IQSEC1: variants seen among roughly 807,000 people sequenced by gnomAD.
The protein encoded by IQSEC1 is IQ motif and Sec7 domain ArfGEF 1.
In IQSEC1, 31 loss-of-function variants were observed where a neutral mutation model predicts 91.0. The ratio of observed to expected loss-of-function variants is 0.34; its 90% CI spans 0.26 to 0.46. The LOEUF is 0.46. Among genes scored for constraint, IQSEC1 ranks in the 20% least tolerant of loss-of-function variants. The pLI is 1.00. For missense variants in IQSEC1, 1,388 were observed against 1,575.6 expected (o/e 0.88, Z 2.02); for synonymous variants, 699 against 662.6 (o/e 1.05, Z -0.84).
At chr3:13,068,800 C>T (rs1705320965) in intron 1 of IQSEC1, among the ~76,000 whole-genome samples, 1 of 152,222 alleles carries the variant, frequency 6.6e-6, no homozygotes, top group South Asian at 2.1e-4. Context: ...TCAAAGGTCA[C>T]CTCCTCCAGG....
At chr3:13,075,995 A>C (rs1705556112), upstream of IQSEC1, among the ~76,000 whole-genome samples, 1 of 152,216 alleles carries the variant, frequency 6.6e-6, no homozygotes, top group Admixed American at 6.5e-5. Context: ...CAGATTTGTC[A>C]GCCACACCTC....
At chr3:13,056,485 G>A (rs945344037) in intron 1 of IQSEC1, among the ~76,000 whole-genome samples, 9 of 152,052 alleles carry the variant, frequency 5.9e-5, no homozygotes, top group Admixed American at 4.6e-4. Flanking sequence ...TCCTCAAGCC[G>A]GCCTGGGAAG....
chr3:13,140,676 C>T (rs79477804), intron 2 of IQSEC1, among the ~76,000 whole-genome samples: 1,697 of 152,282 alleles, frequency 0.011, 36 homozygotes, highest in African/African-American at 0.039. Context: ...AGAGACCATG[C>T]GCGCCCCAGC....
chr3:13,159,466 C>T (rs1178301095), intron 2 of IQSEC1, among the ~76,000 whole-genome samples: 2 of 152,176 alleles, frequency 1.3e-5, no homozygotes, highest in African/African-American at 4.8e-5. Flanking sequence ...CCCAGACCTA[C>T]TGAGTGAGGC....
At chr3:13,162,592 A>C (rs1219073721) in intron 2 of IQSEC1, among the ~76,000 whole-genome samples, 1 of 152,186 alleles carries the variant, frequency 6.6e-6, no homozygotes, top group African/African-American at 2.4e-5. Flanking sequence ...CCATTTTAAG[A>C]GACAACTGTT....
chr3:13,005,666 G>C (rs1702605814), intron 1 of IQSEC1, among the ~76,000 whole-genome samples: 1 of 152,232 alleles, frequency 6.6e-6, no homozygotes, highest in Non-Finnish European at 1.5e-5. Flanking sequence ...TTTTCATTTT[G>C]TGAATTTTAA....
chr3:13,203,164 T>TACACACACACACACAC (rs10533324), intron 1 of IQSEC1, among the ~76,000 whole-genome samples: 14 of 148,120 alleles, frequency 9.5e-5, no homozygotes, highest in Admixed American at 6.7e-4. Context: ...TTACCACTAC[T>TACACACACACACACAC]ACACACACAC....
chr3:13,202,243 G>A (rs935086505), intron 1 of IQSEC1, among the ~76,000 whole-genome samples: 2 of 152,216 alleles, frequency 1.3e-5, no homozygotes, highest in African/African-American at 4.8e-5. Context: ...AACCAGTATG[G>A]TGGTTCCTCA....
At chr3:12,914,357 G>A (rs184453730) in intron 8 of IQSEC1, among the ~76,000 whole-genome samples, 3 of 152,344 alleles carry the variant, frequency 2.0e-5, no homozygotes, top group Admixed American at 2.0e-4. Context: ...TCAAAGGGGT[G>A]GGATCCCCGG....
rs1050492975 is a variant in IQSEC1 at position 13,282,475 on chromosome 3, G to A, written c.272+236C>T. On this transcript the variant is annotated intron_variant, in intron 1 of 15. Transcript: ENST00000648114. The surrounding 1 kb of genome is among the most constrained non-coding windows in gnomAD (Gnocchi z 6.4). ...CGGCGGGAGCGCTGAGCAGCTCCCT[G>A]GAGCCCTTTTCCAGGGAACCCAGTC... 1.3e-5 allele frequency among the ~76,000 whole-genome samples: 2 copies of A among 151,982 alleles called. No individual in the cohort carries two copies. The highest frequency in any genetic ancestry group is 2.9e-5 in the Non-Finnish European group (2 of 67,940).
chr3:13,261,757 A>G (rs1423895921), intron 1 of IQSEC1, among the ~76,000 whole-genome samples: 3 of 152,176 alleles, frequency 2.0e-5, no homozygotes, highest in African/African-American at 7.2e-5. Context: ...CATACCCGTG[A>G]AATTCACCCA....
chr3:12,915,723 A>C lies in IQSEC1; in HGVS notation c.2031T>G (p.Asp677Glu). 2 of 1,614,096 alleles carry C rather than the reference A, an allele frequency of 1.2e-6. No individual in the cohort carries two copies. The highest frequency in any genetic ancestry group is 1.7e-6 in the Non-Finnish European group (2 of 1,179,976). Residue 677 changes from aspartate (D) to glutamate (E), a missense_variant, in exon 7 of 14, where the codon GAT becomes GAG. Physicochemically the swap from Asp to Glu is conservative, Grantham distance 45. Coordinates refer to ENST00000613206, the MANE Select transcript of IQSEC1 (RefSeq NM_001134382.3). The part of the protein sequence containing the change: ...DFIKNLRGVD[D>E]GEDIPREMLM... ...GCATCTCACGGGGAATGTCCTCACC[A>C]TCGTCCACACCTGGGTAGGGGATGC... is the stretch of plus-strand genomic sequence containing the variant.
intron 2 of IQSEC1, among the ~76,000 whole-genome samples, chr3:13,122,207 C>A (rs1254926893): frequency 3.3e-5 from 5 of 152,240 alleles, no homozygotes; most frequent in African/African-American, 1.2e-4. Context: ...GTATAAAGAC[C>A]TGCAAAAGGT....
chr3:13,252,528 G>C (rs551249798), intron 1 of IQSEC1, among the ~76,000 whole-genome samples: 8 of 152,212 alleles, frequency 5.3e-5, no homozygotes, highest in African/African-American at 1.9e-4. Context: ...TCTCTTCGAC[G>C]CCCCGCGTTC....
Position 13,244,162 on chromosome 3 carries a change from C to T in IQSEC1, c.272+38549G>A, listed in dbSNP as rs576937812. Among the ~76,000 whole-genome samples the T allele has an allele frequency of 1.4e-4, 21 of 152,242 alleles. No individual in the cohort carries two copies. The South Asian group carries it at 4.1e-3, about 30-fold the overall frequency. ...TGCTGTTGCTTTCTTTAAAAAGCAG[C>T]TGATTTAAAAAAGTTGATAACAAAA... is the stretch of plus-strand genomic sequence containing the variant. On this transcript the variant is annotated intron_variant, in intron 1 of 15. Transcript: ENST00000648114.
chr3:13,021,257 AGAGGCCGCAGC>A (rs1274983681), intron 1 of IQSEC1, among the ~76,000 whole-genome samples: 1 of 152,128 alleles, frequency 6.6e-6, no homozygotes, highest in Non-Finnish European at 1.5e-5. Flanking sequence ...TGGCAGCTGC[AGAGGCCGCAGC>A]GATCACAGAT....
Position 12,909,185 on chromosome 3 carries a change from G to T in IQSEC1, c.2578+88C>A. ...AGACTGGGGGACATCTTGTCTCTGT[G>T]AGCTCAGAAGTCACTGCCCTGACAT... is the stretch of plus-strand genomic sequence containing the variant. On this transcript the variant is annotated intron_variant, in intron 11 of 13. Transcript: ENST00000613206. The surrounding 1 kb of genome is among the most constrained non-coding windows in gnomAD (Gnocchi z 4.9). The T allele has an allele frequency of 7.3e-7, 1 of 1,374,210 alleles. No homozygotes were observed. The highest frequency in any genetic ancestry group is 1.3e-5 in the South Asian group (1 of 77,740). The allele number at this position is 1,374,210 out of a possible 1,614,324, so 85.1% of individuals were successfully genotyped here. A position where few individuals can be genotyped will look rare whatever the true frequency, so the allele number is the denominator to read the frequency against.
rs1466963791 is a variant in IQSEC1 at position 12,992,872 on chromosome 3, G to T, written c.24-51007C>A. Among the ~76,000 whole-genome samples the T allele has an allele frequency of 1.3e-5, 2 of 152,190 alleles. No homozygotes were observed. Among genetic ancestry groups the T allele is most frequent in the Non-Finnish European group, 2.9e-5 (2 of 68,032 alleles). On this transcript the variant is annotated intron_variant, in intron 1 of 13. Transcript: ENST00000613206. This position sits in a 1 kb window ranked among gnomAD's most constrained non-coding sequence, Gnocchi z 4.1. ...TGACAACTGCCTGGCAGAAACATGG[G>T]AGGGGAAGTTCCCCAGGACTATTAG... is the stretch of plus-strand genomic sequence containing the variant.
intron 1 of IQSEC1, among the ~76,000 whole-genome samples, chr3:13,178,232 G>C (rs1004342297): frequency 1.3e-4 from 20 of 152,366 alleles, no homozygotes; most frequent in Middle Eastern, 3.4e-3. Context: ...GCTGTGCCAA[G>C]TGCTGGAGAT....
Sources: allele counts gnomAD v4.1 joint callset (sites outside exome capture counted in the v4.1 genomes callset), GRCh38; gene constraint gnomAD v4.1.1; non-coding constraint Gnocchi (gnomAD v3.1); transcripts MANE v1.5; gene names NCBI Gene and HGNC (gene_info 2026-07-23, HGNC 2026-07-21).